The following PIGN variants were observed in gnomAD, a reference collection of about 807,000 sequenced individuals.
PIGN encodes GPI ethanolamine phosphate transferase 1.
In PIGN, 117 loss-of-function variants were observed where a neutral mutation model predicts 125.4. The ratio of observed to expected loss-of-function variants is 0.93; its 90% CI spans 0.80 to 1.09. The LOEUF (loss-of-function observed/expected upper bound fraction) is 1.09. PIGN is among the 50% of genes least tolerant of loss of function. The pLI is 0.00. For missense variants in PIGN, 1,075 were observed against 1,094.9 expected, an observed-to-expected ratio of 0.98 and a Z score of 0.26; for synonymous variants, 392 against 377.8, an observed-to-expected ratio of 1.04 and a Z score of -0.44.
Position 62,042,994 on chromosome 18 carries a change from T to A in PIGN, c.*2862A>T, listed in dbSNP as rs1281157915. 1 of 151,754 alleles carries A rather than the reference T, an allele frequency of 6.6e-6. No individual in the cohort carries two copies. The highest frequency in any genetic ancestry group is 2.4e-5 in the African/African-American group (1 of 41,306). The allele number at this position is 151,754 out of a possible 1,614,324, so 9.4% of individuals were successfully genotyped here. A position where few individuals can be genotyped will look rare whatever the true frequency, so the allele number is the denominator to read the frequency against. On this transcript the variant is annotated 3_prime_UTR_variant, in exon 31 of 31. Transcript: ENST00000640252. ...TGCTACAAAGATATTGCCATAGTAC[T>A]GAAAGCACACAGCATAACAATCATT...
intron 23 of PIGN, among the ~76,000 whole-genome samples, chr18:62,030,087 C>T (rs2030174538): frequency 6.6e-6 from 1 of 152,214 alleles, no homozygotes; most frequent in Non-Finnish European, 1.5e-5. Context: ...GCATTTAGAA[C>T]AGCAGCTCCA....
intron 1 of PIGN, among the ~76,000 whole-genome samples, chr18:62,176,029 T>C (rs750818624): frequency 2.6e-5 from 4 of 152,076 alleles, no homozygotes; most frequent in Non-Finnish European, 5.9e-5. Context: ...AGGTAAGAAA[T>C]GAACAAGAAG....
intron 23 of PIGN, among the ~76,000 whole-genome samples, chr18:62,034,814 A>T (rs1459200153): frequency 6.6e-6 from 1 of 152,134 alleles, no homozygotes; most frequent in Non-Finnish European, 1.5e-5. Flanking sequence ...GAGACTTTGG[A>T]CTGTGGACTT....
intron 14 of PIGN, 137 bp downstream of exon 14, chr18:62,138,106 T>G (rs561077897): frequency 1.6e-6 from 2 of 1,217,050 alleles, no homozygotes; most frequent in African/African-American, 3.1e-5. Context: ...TAGAAGAGGA[T>G]TTCAATTTGG....
chr18:62,027,566 C>T (rs374429625), intron 23 of PIGN, among the ~76,000 whole-genome samples: 10 of 152,172 alleles, frequency 6.6e-5, no homozygotes, highest in Admixed American at 1.3e-4. Context: ...ATAACAGACA[C>T]GGTTGCATTC....
chr18:62,179,459 G>A (rs2037640688), intron 1 of PIGN, among the ~76,000 whole-genome samples: 2 of 152,196 alleles, frequency 1.3e-5, no homozygotes, highest in Admixed American at 1.3e-4. Flanking sequence ...AAAGCCATCT[G>A]TCGGTCAGGC....
At position 62,042,551 on chromosome 18, in the gene PIGN, G is replaced by T. The variant is rs925263921; in HGVS notation, c.*3305C>A. The T allele has an allele frequency of 6.6e-6, 1 of 152,016 alleles. No individual in the cohort carries two copies. Among genetic ancestry groups the T allele is most frequent in the African/African-American group, 2.4e-5 (1 of 41,374 alleles). 9.4% of individuals were successfully genotyped at this position (152,016 alleles called of 1,614,324 possible). ...GGTTCTTTTTGTTTCTTTATAGAATGAATATTAAGTACTTTTCATGAGTTT... is the reference window on the plus strand; with the variant it reads ...GGTTCTTTTTGTTTCTTTATAGAATTAATATTAAGTACTTTTCATGAGTTT... On this transcript the variant is annotated 3_prime_UTR_variant, in exon 31 of 31. Transcript: ENST00000640252.
chr18:62,140,224 G>A (rs1185320051), intron 12 of PIGN, among the ~76,000 whole-genome samples, 196 bp downstream of exon 12: 1 of 152,026 alleles, frequency 6.6e-6, no homozygotes, highest in African/African-American at 2.4e-5. Flanking sequence ...GTGCATGCCT[G>A]TAATCCCAGA....
chr18:62,070,495 G>T, intron 30 of PIGN: 1 of 398,504 alleles, frequency 2.5e-6, no homozygotes, highest in East Asian at 3.6e-5. Context: ...GGCAGTACAT[G>T]CCAGGAGTTG....
At chr18:62,123,506 C>T (rs2035388102) in intron 14 of PIGN, 1 of 151,984 alleles carries the variant, frequency 6.6e-6, no homozygotes. Context: ...AAGAATATTA[C>T]CATTTATTCC....
intron 14 of PIGN, among the ~76,000 whole-genome samples, chr18:62,125,546 T>C (rs899676818): frequency 5.9e-5 from 9 of 152,046 alleles, no homozygotes; most frequent in Admixed American, 2.0e-4. Context: ...TATCACACGA[T>C]GGAACTGCTT....
chr18:62,088,620 AT>A, intron 25 of PIGN, 135 bp downstream of exon 25: 1 of 582,772 alleles, frequency 1.7e-6, no homozygotes, highest in Middle Eastern at 2.6e-4. Context: ...TGTGAATTAC[AT>A]GAGAAAACTA....
intron 23 of PIGN, among the ~76,000 whole-genome samples, chr18:62,032,292 T>A (rs891011259): frequency 2.0e-5 from 3 of 152,202 alleles, no homozygotes; most frequent in African/African-American, 7.2e-5. Flanking sequence ...TTTGCAAACT[T>A]CAATTGCTTA....
chr18:62,131,725 G>A (rs910187668), intron 14 of PIGN, among the ~76,000 whole-genome samples: 2 of 152,108 alleles, frequency 1.3e-5, no homozygotes, highest in African/African-American at 4.8e-5. Context: ...ACAAGCCTAA[G>A]ATAAAGAATC....
At chr18:62,108,678 C>T (rs944247075) in intron 17 of PIGN, among the ~76,000 whole-genome samples, 2 of 152,030 alleles carry the variant, frequency 1.3e-5, no homozygotes, top group Non-Finnish European at 1.5e-5. Flanking sequence ...GCAACCTCCA[C>T]CTCCTGGGTT....
At chr18:62,123,675 A>C (rs1466735208) in intron 14 of PIGN, 7 of 152,216 alleles carry the variant, frequency 4.6e-5, no homozygotes, top group Non-Finnish European at 1.0e-4. Context: ...GTTTAACAAG[A>C]AAATATGGTA....
At chr18:62,074,019 C>T (rs1186312844) in intron 29 of PIGN, among the ~76,000 whole-genome samples, 1 of 152,194 alleles carries the variant, frequency 6.6e-6, no homozygotes, top group South Asian at 2.1e-4. Flanking sequence ...TCAAGCCCCA[C>T]TAAAAAGTCT....
intron 25 of PIGN, among the ~76,000 whole-genome samples, 158 bp from the exon 26 acceptor site, chr18:62,085,422 T>C (rs895101096): frequency 3.3e-5 from 5 of 152,216 alleles, no homozygotes; most frequent in African/African-American, 9.6e-5. Context: ...TCCTTGTGAA[T>C]GCATTTTAAA....
intron 1 of PIGN, among the ~76,000 whole-genome samples, chr18:62,168,087 G>A (rs1263577892): frequency 6.6e-6 from 1 of 152,020 alleles, no homozygotes; most frequent in Non-Finnish European, 1.5e-5. Context: ...GGGACGCTGA[G>A]GCAGGAGAAT....
Sources: allele counts gnomAD v4.1 joint callset (sites outside exome capture counted in the v4.1 genomes callset), GRCh38; gene constraint gnomAD v4.1.1; transcripts MANE v1.5; gene names NCBI Gene and HGNC (gene_info 2026-07-23, HGNC 2026-07-21).